TSC22D2: variants seen among roughly 807,000 people sequenced by gnomAD.
TSC22D2 encodes TSC22 domain family protein 2.
A neutral mutation model predicts 50.1 loss-of-function variants in TSC22D2; 5 were observed. The observed-to-expected ratio is 0.10, with a 90% CI of 0.05 to 0.21. The LOEUF (loss-of-function observed/expected upper bound fraction) is 0.21, where lower values mean the gene tolerates loss of function less well. TSC22D2 is among the 10% of genes least tolerant of loss of function. The pLI is 1.00. For synonymous variants in TSC22D2, 501 were observed against 450.1 expected (o/e 1.11, Z -1.43); for missense variants, 1,003 against 1,015.5 (o/e 0.99, Z 0.17).
At chr3:150,457,824 C>T (rs140184612) in intron 2 of TSC22D2, among the ~76,000 whole-genome samples, 2,602 of 151,606 alleles carry the variant, frequency 0.017, 26 homozygotes, top group South Asian at 0.061. Context: ...TTAGTAGAGA[C>T]GGGGTTTCAC....
At chr3:150,456,185 T>TC (rs1311535990) in intron 1 of TSC22D2, among the ~76,000 whole-genome samples, 1 of 147,282 alleles carries the variant, frequency 6.8e-6, no homozygotes, top group African/African-American at 2.7e-5. Flanking sequence ...TTTTTGTTTT[T>TC]TTTTTTTTTG....
At position 150,462,447 on chromosome 3, in the gene TSC22D2, CTG is replaced by C. The variant is rs1721442716; in HGVS notation, c.*3812_*3813del. ...GGGAGGTAGGTTAGAGTAGCTGAAA[CTG>C]GAAGCTGAGAAATAATTTAGGAGGG... On this transcript the variant is annotated 3_prime_UTR_variant, in exon 3 of 3. Coordinates refer to ENST00000688009, the MANE Select transcript of TSC22D2 (RefSeq NM_001303264.2). 1 of 152,006 alleles carries C rather than the reference CTG, an allele frequency of 6.6e-6. No homozygotes were observed. Among genetic ancestry groups the C allele is most frequent in the Non-Finnish European group, 1.5e-5 (1 of 68,016 alleles). 9.4% of individuals were successfully genotyped at this position (152,006 alleles called of 1,614,324 possible).
Position 150,465,814 on chromosome 3 carries a change from C to T in TSC22D2, c.*7178C>T, listed in dbSNP as rs923707426. On this transcript the variant is annotated 3_prime_UTR_variant, in exon 3 of 3. Coordinates refer to ENST00000688009, the MANE Select transcript of TSC22D2 (RefSeq NM_001303264.2). ...CCTGGGACAGGAATCATCCCTTTGTCCAGTGTATCCACAATGTATACACTC... is the reference window on the plus strand; with the variant it reads ...CCTGGGACAGGAATCATCCCTTTGTTCAGTGTATCCACAATGTATACACTC... 6.6e-6 allele frequency: 1 copy of T among 152,136 alleles called. No individual in the cohort carries two copies. Among genetic ancestry groups the T allele is most frequent in the Non-Finnish European group, 1.5e-5 (1 of 68,020 alleles). 9.4% of individuals were successfully genotyped at this position (152,136 alleles called of 1,614,324 possible).
intron 1 of TSC22D2, among the ~76,000 whole-genome samples, chr3:150,421,499 T>A (rs1440058868): frequency 6.6e-6 from 1 of 152,220 alleles, no homozygotes; most frequent in Non-Finnish European, 1.5e-5. Context: ...CCTCTTAAGC[T>A]TTTCTTGTTA....
At chr3:150,440,935 T>C (rs1195430287) in intron 1 of TSC22D2, among the ~76,000 whole-genome samples, 2 of 151,828 alleles carry the variant, frequency 1.3e-5, no homozygotes, top group African/African-American at 4.8e-5. Context: ...GTTGAAATAG[T>C]CTGCAGAGCT....
chr3:150,426,754 A>G (rs1315615325), intron 1 of TSC22D2, among the ~76,000 whole-genome samples: 1 of 152,178 alleles, frequency 6.6e-6, no homozygotes, highest in Non-Finnish European at 1.5e-5. Flanking sequence ...GTTAATAAGG[A>G]AAGTAGTAGA....
At chr3:150,417,947 C>A (rs6785101) in intron 1 of TSC22D2, among the ~76,000 whole-genome samples, 5,519 of 152,096 alleles carry the variant, frequency 0.036, 335 homozygotes, top group African/African-American at 0.13. Context: ...CAAGTCATTT[C>A]ACTTGTCTGT....
intron 1 of TSC22D2, among the ~76,000 whole-genome samples, chr3:150,413,859 T>TA (rs1719687487): frequency 6.8e-6 from 1 of 147,602 alleles, no homozygotes; most frequent in African/African-American, 2.5e-5. Context: ...CCTAAGGAAA[T>TA]ATTTGTAAAT....
Position 150,409,268 on chromosome 3 carries a change from G to A in TSC22D2, c.-83G>A. On this transcript the variant is annotated 5_prime_UTR_variant, in exon 1 of 3. Coordinates refer to ENST00000688009, the MANE Select transcript of TSC22D2 (RefSeq NM_001303264.2). The surrounding 1 kb of genome is among the most constrained non-coding windows in gnomAD (Gnocchi z 7.4). ...CAGCGCAGACTCGGACTTTGTCTTT[G>A]GGGGCCCGTGCTCTGCCCTCCCCGG... 6.9e-7 allele frequency: 1 copy of A among 1,457,698 alleles called. No individual in the cohort carries two copies. Among genetic ancestry groups the A allele is most frequent in the Non-Finnish European group, 9.2e-7 (1 of 1,089,914 alleles). 90.3% of individuals were successfully genotyped at this position (1,457,698 alleles called of 1,614,324 possible). A position where few individuals can be genotyped will look rare whatever the true frequency, so the allele number is the denominator to read the frequency against.
rs575947092 is a variant in TSC22D2 at position 150,409,342 on chromosome 3, T to G, written c.-9T>G. Reference sequence around the variant, plus strand: ...CGGCGTGCCTCTCTGCCCTCCAGCCTTCTTCACCATGTCCAAGATGCCGGC... The same window carrying G: ...CGGCGTGCCTCTCTGCCCTCCAGCCGTCTTCACCATGTCCAAGATGCCGGC... On this transcript the variant is annotated 5_prime_UTR_variant, in exon 1 of 3. Transcript: ENST00000688009. This position sits in a 1 kb window ranked among gnomAD's most constrained non-coding sequence, Gnocchi z 7.4. 4.4e-6 allele frequency: 7 copies of G among 1,590,210 alleles called. No homozygotes were observed. In the Admixed American group the frequency reaches 6.8e-5, roughly 16 times the overall value.
chr3:150,422,288 C>T (rs1259168823), intron 1 of TSC22D2, among the ~76,000 whole-genome samples: 1 of 152,062 alleles, frequency 6.6e-6, no homozygotes, highest in Non-Finnish European at 1.5e-5. Flanking sequence ...TTTAAATCCC[C>T]GTGGAACCAG....
At position 150,410,543 on chromosome 3, in the gene TSC22D2, C is replaced by A; in HGVS notation, c.1193C>A (p.Ser398Tyr). 1 of 1,560,200 alleles carries A rather than the reference C, an allele frequency of 6.4e-7. No individual in the cohort carries two copies. The highest frequency in any genetic ancestry group is 8.7e-7 in the Non-Finnish European group (1 of 1,154,254). ...LQPPSPAQPS[S>Y]TGAAASPATA... ...CCGCCAAGCCCCGCGCAGCCCTCGTCCACCGGCGCCGCAGCGAGCCCCGCC... is the reference window on the plus strand; with the variant it reads ...CCGCCAAGCCCCGCGCAGCCCTCGTACACCGGCGCCGCAGCGAGCCCCGCC... Residue 398 changes from serine to tyrosine, a missense_variant, in exon 1 of 3, where the codon TCC becomes TAC. Transcript: ENST00000688009.
chr3:150,409,608 A>T lies in TSC22D2; in HGVS notation c.258A>T (p.Pro86=). ...GDAETPGTVS[P]NLLLDGQLAA... Reference sequence around the variant, plus strand: ...CGGAGACTCCCGGGACCGTCTCCCCAAACCTCCTCCTAGATGGGCAGCTGG... The same window carrying T: ...CGGAGACTCCCGGGACCGTCTCCCCTAACCTCCTCCTAGATGGGCAGCTGG... Residue 86 remains proline, a synonymous_variant, in exon 1 of 3, where the codon CCA becomes CCT. Coordinates refer to ENST00000688009, the MANE Select transcript of TSC22D2 (RefSeq NM_001303264.2). The surrounding 1 kb of genome is among the most constrained non-coding windows in gnomAD (Gnocchi z 7.4). 6.2e-7 allele frequency: 1 copy of T among 1,606,526 alleles called. No homozygotes were observed. Among genetic ancestry groups the T allele is most frequent in the Non-Finnish European group, 8.5e-7 (1 of 1,175,018 alleles).
In TSC22D2 at chr3:150,410,462, C is replaced by T; in HGVS notation, c.1112C>T (p.Pro371Leu). 4 of 1,608,796 alleles carry T rather than the reference C, an allele frequency of 2.5e-6. No individual in the cohort carries two copies. The South Asian group carries it at 4.4e-5, about 18-fold the overall frequency. The change falls in exon 1 of 3, where the codon CCC becomes CTC. Residue 371 changes from proline to leucine, a missense_variant. This residue lies in a region of TSC22D2 where 696 missense variants were observed against 647.8 expected (regional missense o/e 1.07). Transcript: ENST00000688009. ...QPQIPPGHLL[P>L]VQPSGQSEYL... Reference sequence around the variant, plus strand: ...CAGATACCGCCCGGACATTTGCTGCCCGTCCAGCCCTCCGGCCAGAGTGAG... The same window carrying T: ...CAGATACCGCCCGGACATTTGCTGCTCGTCCAGCCCTCCGGCCAGAGTGAG...
chr3:150,463,140 A>C lies in TSC22D2; in HGVS notation c.*4504A>C, dbSNP rs1404686849. 3 of 152,204 alleles carry C rather than the reference A, an allele frequency of 2.0e-5. No homozygotes were observed. Among genetic ancestry groups the C allele is most frequent in the African/African-American group, 7.2e-5 (3 of 41,454 alleles). 9.4% of individuals were successfully genotyped at this position (152,204 alleles called of 1,614,324 possible). A position where few individuals can be genotyped will look rare whatever the true frequency, so the allele number is the denominator to read the frequency against. ...TGCCTGTCTCTCAATTCTACCCTAA[A>C]GGTAAACTAAATGGAATCCTTTTAT... On this transcript the variant is annotated 3_prime_UTR_variant, in exon 3 of 3. Transcript: ENST00000688009.
In TSC22D2 at chr3:150,411,277, A is replaced by G. The variant is rs768243284; in HGVS notation, c.1927A>G (p.Ile643Val). 1.9e-6 allele frequency: 3 copies of G among 1,613,670 alleles called. No homozygotes were observed. The highest frequency in any genetic ancestry group is 2.5e-6 in the Non-Finnish European group (3 of 1,179,638). Residue 643 changes from isoleucine to valine, a missense_variant, in exon 1 of 3, where the codon ATA becomes GTA. Around this residue, in one of 6 missense-constraint regions of TSC22D2, gnomAD observed 696 missense variants for 647.8 expected, o/e 1.07. Transcript: ENST00000688009. Reference sequence around the variant, plus strand: ...CAGTCTGGCCACCTCTGTATTCAGCATAGCTATTCCTGTTGATGGTGATGA... The same window carrying G: ...CAGTCTGGCCACCTCTGTATTCAGCGTAGCTATTCCTGTTGATGGTGATGA... Reference protein sequence around the residue: ...MNSLATSVFSIAIPVDGDEDS... With the variant: ...MNSLATSVFSVAIPVDGDEDS...
intron 1 of TSC22D2, among the ~76,000 whole-genome samples, chr3:150,450,075 T>C (rs1017953236): frequency 6.6e-6 from 1 of 152,122 alleles, no homozygotes; most frequent in African/African-American, 2.4e-5. Flanking sequence ...TTAGTACAGA[T>C]GATAAGACTG....
At chr3:150,435,567 G>GA (rs758772312) in intron 1 of TSC22D2, among the ~76,000 whole-genome samples, 64 of 152,158 alleles carry the variant, frequency 4.2e-4, no homozygotes, top group South Asian at 2.1e-4. Context: ...ACAGCAGGTT[G>GA]AAAATCTGGC....
chr3:150,463,419 A>G lies in TSC22D2; in HGVS notation c.*4783A>G, dbSNP rs1432758797. Reference sequence around the variant, plus strand: ...TCTGCTTCAAGCCTCTTAATAATCCATATTTCTATTTTCTAGCAATAGTAA... The same window carrying G: ...TCTGCTTCAAGCCTCTTAATAATCCGTATTTCTATTTTCTAGCAATAGTAA... On this transcript the variant is annotated 3_prime_UTR_variant, in exon 3 of 3. Coordinates refer to ENST00000688009, the MANE Select transcript of TSC22D2 (RefSeq NM_001303264.2). 1 of 152,086 alleles carries G rather than the reference A, an allele frequency of 6.6e-6. No homozygotes were observed. The highest frequency in any genetic ancestry group is 1.5e-5 in the Non-Finnish European group (1 of 68,026). The allele number at this position is 152,086 out of a possible 1,614,324, so 9.4% of individuals were successfully genotyped here. A position where few individuals can be genotyped will look rare whatever the true frequency, so the allele number is the denominator to read the frequency against.
Sources: allele counts gnomAD v4.1 joint callset (sites outside exome capture counted in the v4.1 genomes callset), GRCh38; gene constraint gnomAD v4.1.1; regional missense constraint gnomAD v4.1.1; non-coding constraint Gnocchi (gnomAD v3.1); transcripts MANE v1.5; gene names NCBI Gene and HGNC (gene_info 2026-07-23, HGNC 2026-07-21).